The following ROCK1 variants were observed in gnomAD, a reference collection of about 807,000 sequenced individuals.
ROCK1 encodes the protein Rho associated coiled-coil containing protein kinase 1.
Under a neutral mutation model 196.8 loss-of-function variants are expected in ROCK1, and 36 were observed. That is an observed-to-expected ratio of 0.18 (90% confidence interval 0.14 to 0.24). The LOEUF (loss-of-function observed/expected upper bound fraction) is 0.24. Among genes scored for constraint, ROCK1 ranks in the 10% least tolerant of loss-of-function variants. ROCK1 has a pLI of 1.00. For missense variants in ROCK1, 920 were observed against 1,562.0 expected (o/e 0.59, Z 6.93); for synonymous variants, 443 against 515.9 (o/e 0.86, Z 1.91).
Position 20,948,886 on chromosome 18 carries a change from G to C in ROCK1, c.*2498C>G, listed in dbSNP as rs1282184320. ...GACATGAGGTTCTTAAGTGGCAAGA[G>C]GAATGGTACAAAACATCTAACTGGA... On this transcript the variant is annotated 3_prime_UTR_variant, in exon 33 of 33. Transcript: ENST00000399799. 2 of 151,440 alleles carry C rather than the reference G, an allele frequency of 1.3e-5. No individual in the cohort carries two copies. Among genetic ancestry groups the C allele is most frequent in the Non-Finnish European group, 2.9e-5 (2 of 67,824 alleles). The allele number at this position is 151,440 out of a possible 1,614,324, so 9.4% of individuals were successfully genotyped here. A position where few individuals can be genotyped will look rare whatever the true frequency, so the allele number is the denominator to read the frequency against.
rs1430859425 is a variant in ROCK1 at position 20,950,943 on chromosome 18, A to G, written c.*441T>C. The G allele has an allele frequency of 1.9e-5, 3 of 154,088 alleles. No homozygotes were observed. Among genetic ancestry groups the G allele is most frequent in the Non-Finnish European group, 4.3e-5 (3 of 69,230 alleles). 9.5% of individuals were successfully genotyped at this position (154,088 alleles called of 1,614,324 possible). A position where few individuals can be genotyped will look rare whatever the true frequency, so the allele number is the denominator to read the frequency against. ...AACTTAAGTCATTAAAAAAAAAACA[A>G]AACTTCAGTTTGTCTCATTTTGAGA... On this transcript the variant is annotated 3_prime_UTR_variant, in exon 33 of 33. Transcript: ENST00000399799.
rs756951625 is a variant in ROCK1, at chr18:20,984,446, G to A, written c.2394C>T (p.Asp798=). 6.2e-7 allele frequency: 1 copy of A among 1,612,354 alleles called. No individual in the cohort carries two copies. Among genetic ancestry groups the A allele is most frequent in the Non-Finnish European group, 8.5e-7 (1 of 1,179,168 alleles). Residue 798 remains aspartate, a synonymous_variant, in exon 20 of 33, where the codon GAC becomes GAT. Coordinates refer to ENST00000399799, the MANE Select transcript of ROCK1 (RefSeq NM_005406.3). ...NELKTQAFEA[D]NLKGLEKQMK... is the part of the protein sequence containing the mutation. ...TCTGCTTTTCTAAACCTTTTAAATTGTCTGCCTCAAATGCTTGAGTCTTCA... is the reference window on the plus strand; with the variant it reads ...TCTGCTTTTCTAAACCTTTTAAATTATCTGCCTCAAATGCTTGAGTCTTCA...
intron 9 of ROCK1, among the ~76,000 whole-genome samples, chr18:21,036,838 C>CATTAATA (rs1157910134): frequency 6.6e-6 from 1 of 152,008 alleles, no homozygotes; most frequent in Non-Finnish European, 1.5e-5. Context: ...CCATTTATTT[C>CATTAATA]ATTTGAAATT....
chr18:21,023,027 T>C (rs2035927344), intron 11 of ROCK1, among the ~76,000 whole-genome samples: 1 of 151,948 alleles, frequency 6.6e-6, no homozygotes, highest in South Asian at 2.1e-4. Flanking sequence ...TCATATGAGG[T>C]ACCTGGAATA....
Position 20,947,232 on chromosome 18 carries a change from T to A in ROCK1, c.*4152A>T, listed in dbSNP as rs928680639. 3 of 151,862 alleles carry A rather than the reference T, an allele frequency of 2.0e-5. No homozygotes were observed. The highest frequency in any genetic ancestry group is 7.3e-5 in the African/African-American group (3 of 41,260). The allele number at this position is 151,862 out of a possible 1,614,324, so 9.4% of individuals were successfully genotyped here. On this transcript the variant is annotated 3_prime_UTR_variant, in exon 33 of 33. Coordinates refer to ENST00000399799, the MANE Select transcript of ROCK1 (RefSeq NM_005406.3). ...TTATTCTTTTCCTACCTCACAAAAA[T>A]CTGAGTTACATATACTTTGGAGATA...
intron 11 of ROCK1, among the ~76,000 whole-genome samples, chr18:21,023,218 C>T (rs1476691593): frequency 6.6e-6 from 1 of 152,118 alleles, no homozygotes; most frequent in Non-Finnish European, 1.5e-5. Flanking sequence ...CCGAACTGCA[C>T]ACTTAAAAAT....
intron 16 of ROCK1, among the ~76,000 whole-genome samples, chr18:20,995,414 A>C (rs1244487930): frequency 6.6e-6 from 1 of 152,192 alleles, no homozygotes; most frequent in African/African-American, 2.4e-5. Flanking sequence ...AAGCACCTTC[A>C]TAAGAACCAA....
chr18:21,033,946 A>C (rs1348355427), intron 9 of ROCK1, among the ~76,000 whole-genome samples: 2 of 146,172 alleles, frequency 1.4e-5, no homozygotes, highest in Non-Finnish European at 3.0e-5. Flanking sequence ...AGGCAGGAGA[A>C]TGGCATGAAC....
chr18:21,005,640 G>A (rs1042561213), intron 16 of ROCK1, among the ~76,000 whole-genome samples: 1 of 152,200 alleles, frequency 6.6e-6, no homozygotes, highest in Non-Finnish European at 1.5e-5. Flanking sequence ...ACTTTGGGAG[G>A]TCGAGGTGGG....
chr18:21,079,614 G>A (rs1179053551), intron 1 of ROCK1, among the ~76,000 whole-genome samples: 6 of 152,204 alleles, frequency 3.9e-5, no homozygotes, highest in Non-Finnish European at 8.8e-5. Context: ...TGGTACAACT[G>A]GAGTGGAACC....
chr18:21,091,761 A>G (rs1227787536), intron 1 of ROCK1, among the ~76,000 whole-genome samples: 2 of 152,156 alleles, frequency 1.3e-5, no homozygotes, highest in South Asian at 2.1e-4. Context: ...ACTTGAGCCC[A>G]TGAGTTTGAG....
rs1253889662 is a variant in ROCK1 at position 20,980,692 on chromosome 18, A to T, written c.2560-688T>A. Among the ~76,000 whole-genome samples, 3 of 152,046 alleles carry T rather than the reference A, an allele frequency of 2.0e-5. No homozygotes were observed. In the East Asian group the frequency reaches 5.8e-4, roughly 29 times the overall value. ...AGCACTTTGGGAGGCCAAGGCGGGC[A>T]GATCACAAGGTCAGGAGATTGAGAG... is the stretch of plus-strand genomic sequence containing the variant. On this transcript the variant is annotated intron_variant, in intron 21 of 32. Transcript: ENST00000399799.
At position 20,949,659 on chromosome 18, in the gene ROCK1, A is replaced by T. The variant is rs2035164022; in HGVS notation, c.*1725T>A. 6.6e-6 allele frequency: 1 copy of T among 152,274 alleles called. No homozygotes were observed. Among genetic ancestry groups the T allele is most frequent in the African/African-American group, 2.4e-5 (1 of 41,474 alleles). The allele number at this position is 152,274 out of a possible 1,614,324, so 9.4% of individuals were successfully genotyped here. A position where few individuals can be genotyped will look rare whatever the true frequency, so the allele number is the denominator to read the frequency against. On this transcript the variant is annotated 3_prime_UTR_variant, in exon 33 of 33. Coordinates refer to ENST00000399799, the MANE Select transcript of ROCK1 (RefSeq NM_005406.3). ...TGATGTGTAGAAATGCAAGAGACCCATGGAGAATTGTTTTCCAACACACTT... is the reference window on the plus strand; with the variant it reads ...TGATGTGTAGAAATGCAAGAGACCCTTGGAGAATTGTTTTCCAACACACTT...
chr18:21,032,848 T>A (rs1477244828), intron 9 of ROCK1, among the ~76,000 whole-genome samples: 1 of 151,984 alleles, frequency 6.6e-6, no homozygotes, highest in African/African-American at 2.4e-5. Flanking sequence ...ATAACTTAGA[T>A]GAAATAGAGA....
Position 20,986,991 on chromosome 18 carries a change from G to C in ROCK1, c.2263C>G (p.Leu755Val), listed in dbSNP as rs959206038. The C allele has an allele frequency of 9.3e-6, 15 of 1,604,760 alleles. No individual in the cohort carries two copies. Among genetic ancestry groups the C allele is most frequent in the Non-Finnish European group, 1.3e-5 (15 of 1,177,098 alleles). The change falls in exon 19 of 33, where the codon CTA becomes GTA. Residue 755 changes from leucine (L) to valine (V), a missense_variant. By Grantham distance (32) the Leu-to-Val change is conservative (BLOSUM62 1). Around this residue, in one of 6 missense-constraint regions of ROCK1, gnomAD observed 520 missense variants for 657.1 expected, o/e 0.79. Coordinates refer to ENST00000399799, the MANE Select transcript of ROCK1 (RefSeq NM_005406.3). ...TCTTTATTTCCAGTCAAATGTTCTA[G>C]TTTCTGCTGAGATTGCTTCAGATCA... The part of the protein sequence containing the change: ...DVDLKQSQQK[L>V]EHLTGNKERM...
intron 27 of ROCK1, 129 bp downstream of exon 27, chr18:20,966,788 T>C: frequency 1.4e-6 from 1 of 709,144 alleles, no homozygotes; most frequent in Non-Finnish European, 2.3e-6. Context: ...GCCTTGGCTA[T>C]CAGAAATAAG....
At chr18:21,076,036 T>C (rs1157231533) in intron 1 of ROCK1, among the ~76,000 whole-genome samples, 1 of 149,102 alleles carries the variant, frequency 6.7e-6, no homozygotes, top group Non-Finnish European at 1.5e-5. Context: ...GACAGAATAG[T>C]ACCAAGGAAG....
intron 2 of ROCK1, among the ~76,000 whole-genome samples, chr18:21,058,838 G>A (rs766625841): frequency 1.4e-4 from 22 of 151,986 alleles, no homozygotes; most frequent in Non-Finnish European, 7.4e-5. Flanking sequence ...CTCGGCCTCC[G>A]AAAGTGCTGA....
intron 1 of ROCK1, among the ~76,000 whole-genome samples, chr18:21,086,009 G>C (rs1027776546): frequency 6.6e-6 from 1 of 152,006 alleles, no homozygotes; most frequent in Non-Finnish European, 1.5e-5. Context: ...GGGAGAGAGA[G>C]TTTGTCATTT....
Sources: allele counts gnomAD v4.1 joint callset (sites outside exome capture counted in the v4.1 genomes callset), GRCh38; gene constraint gnomAD v4.1.1; regional missense constraint gnomAD v4.1.1; transcripts MANE v1.5; gene names NCBI Gene and HGNC (gene_info 2026-07-23, HGNC 2026-07-21).